The following RAB19 variants were observed in gnomAD, a reference collection of about 807,000 sequenced individuals.
RAB19 encodes RAB19, member RAS oncogene family, also known as ras-related protein Rab-19.
RAB19 carries 21 observed loss-of-function variants against 17.3 expected under a neutral mutation model. The observed-to-expected ratio is 1.21, with a 90% confidence interval of 0.86 to 1.74. The LOEUF is 1.74. RAB19 is among the 40% of genes most tolerant of loss of function. The pLI is 0.00. For missense variants in RAB19, 277 were observed against 286.8 expected, an observed-to-expected ratio of 0.97 and a Z score of 0.25; for synonymous variants, 126 against 110.4, an observed-to-expected ratio of 1.14 and a Z score of -0.88.
intron 1 of RAB19, among the ~76,000 whole-genome samples, chr7:140,406,441 A>T (rs1191388553): frequency 2.6e-5 from 4 of 151,760 alleles, no homozygotes; most frequent in Non-Finnish European, 2.9e-5. Context: ...GGCATTCGAG[A>T]CCAGCCTGAC....
chr7:140,409,992 CAAAA>C lies in RAB19; in HGVS notation c.202-1865_202-1862del, dbSNP rs760964553. 6.5e-3 allele frequency among the ~76,000 whole-genome samples: 610 copies of C among 94,170 alleles called. 3 individuals are homozygous for C. The highest frequency in any genetic ancestry group is 0.021 in the African/African-American group (523 of 24,714). 61.8% of individuals were successfully genotyped at this position (94,170 alleles called of 152,430 possible). A position where few individuals can be genotyped will look rare whatever the true frequency, so the allele number is the denominator to read the frequency against. On this transcript the variant is annotated intron_variant, in intron 2 of 3. Coordinates refer to ENST00000537763, the MANE Select transcript of RAB19 (RefSeq NM_001008749.3). ...TGGGCAACAGAGCGAGACTCCGTCTCAAAAAAAAAAAAAAAAAAAAGATAATAAA... is the reference window on the plus strand; with the variant it reads ...TGGGCAACAGAGCGAGACTCCGTCTCAAAAAAAAAAAAAAAAGATAATAAA...
At chr7:140,418,658 G>T (rs1042793860) in intron 3 of RAB19, among the ~76,000 whole-genome samples, 1 of 151,318 alleles carries the variant, frequency 6.6e-6, no homozygotes, top group Admixed American at 6.6e-5. Context: ...GGCAGAGGTC[G>T]GACCAGCCTG....
At chr7:140,406,651 GA>G (rs941891247) in intron 1 of RAB19, among the ~76,000 whole-genome samples, 51 of 137,154 alleles carry the variant, frequency 3.7e-4, no homozygotes, top group African/African-American at 1.0e-3. Flanking sequence ...AAAAAAAAAA[GA>G]AAAAAAAAAA....
intron 1 of RAB19, among the ~76,000 whole-genome samples, chr7:140,405,301 A>G (rs944872317): frequency 6.6e-6 from 1 of 151,954 alleles, no homozygotes; most frequent in Admixed American, 6.6e-5. Flanking sequence ...GCTCACTGCA[A>G]CCTCTGCCCT....
chr7:140,426,839 CTT>C lies in RAB19; in HGVS notation c.*708_*709del, dbSNP rs398067341. On this transcript the variant is annotated 3_prime_UTR_variant, in exon 4 of 4. Transcript: ENST00000537763. The stretch of plus-strand genomic sequence containing the variant: ...AAGACACCTGCAATTTTTTTTCTTT[CTT>C]TTTTTTTTTTTTTTTTTTGAGACAG... Among the ~76,000 whole-genome samples, 13 of 123,980 alleles carry C rather than the reference CTT, an allele frequency of 1.0e-4. No homozygotes were observed. The highest frequency in any genetic ancestry group is 1.5e-4 in the Non-Finnish European group (9 of 60,242). The allele number at this position is 123,980 out of a possible 152,430, so 81.3% of individuals were successfully genotyped here. A position where few individuals can be genotyped will look rare whatever the true frequency, so the allele number is the denominator to read the frequency against.
Position 140,407,631 on chromosome 7 carries a change from C to G in RAB19, c.-16C>G. Reference sequence around the variant, plus strand: ...TCCATCCTTTCTTCCTAGTTCTGTTCTAGGTGGCAAGAACCATGCACTTCT... The same window carrying G: ...TCCATCCTTTCTTCCTAGTTCTGTTGTAGGTGGCAAGAACCATGCACTTCT... On this transcript the variant is annotated 5_prime_UTR_variant, in exon 2 of 4. Coordinates refer to ENST00000537763, the MANE Select transcript of RAB19 (RefSeq NM_001008749.3). The G allele has an allele frequency of 1.2e-6, 2 of 1,613,478 alleles. No individual in the cohort carries two copies. The highest frequency in any genetic ancestry group is 1.7e-6 in the Non-Finnish European group (2 of 1,179,486).
chr7:140,409,230 G>A (rs979618853), intron 2 of RAB19, among the ~76,000 whole-genome samples: 10 of 151,942 alleles, frequency 6.6e-5, no homozygotes, highest in African/African-American at 2.4e-4. Context: ...CAGGCATGGT[G>A]GCGCGTGCCT....
At chr7:140,425,775 AATGC>A in intron 3 of RAB19, 103 bp from the exon 4 acceptor site, 1 of 1,175,100 alleles carries the variant, frequency 8.5e-7, no homozygotes, top group Non-Finnish European at 1.2e-6. Context: ...TTTGTGAATG[AATGC>A]ATGCATGCCT....
At chr7:140,424,783 G>GA (rs199960972) in intron 3 of RAB19, among the ~76,000 whole-genome samples, 1 of 151,278 alleles carries the variant, frequency 6.6e-6, no homozygotes, top group East Asian at 1.9e-4. Flanking sequence ...GGGAATTATG[G>GA]AAAAAAATAT....
intron 1 of RAB19, among the ~76,000 whole-genome samples, chr7:140,405,243 G>A (rs1799215027): frequency 2.0e-5 from 3 of 148,622 alleles, no homozygotes; most frequent in Admixed American, 1.3e-4. Flanking sequence ...TTTTTGAAAC[G>A]GAGTTTCGCT....
intron 2 of RAB19, among the ~76,000 whole-genome samples, 193 bp downstream of exon 2, chr7:140,408,040 G>A (rs1799281916): frequency 8.6e-6 from 1 of 116,016 alleles, no homozygotes; most frequent in South Asian, 3.2e-4. Context: ...ACCACGCCCG[G>A]CAAATTTTTT....
chr7:140,411,960 C>A lies in RAB19; in HGVS notation c.288C>A (p.Ala96=). Residue 96 remains alanine (A), a synonymous_variant, in exon 3 of 4, where the codon GCC becomes GCA. Transcript: ENST00000537763. ...GCAGTGCCCACGCAGCCATCATCGC[C>A]TATGACCTCACCCGGCGGTCCACGT... ...YYRSAHAAII[A]YDLTRRSTFE... is the part of the protein sequence containing the mutation. The A allele has an allele frequency of 1.2e-6, 2 of 1,614,202 alleles. No homozygotes were observed. Among genetic ancestry groups the A allele is most frequent in the Non-Finnish European group, 8.5e-7 (1 of 1,180,052 alleles).
chr7:140,405,190 CAG>C lies in RAB19; in HGVS notation c.-24+976_-24+977del, dbSNP rs1187099837. On this transcript the variant is annotated intron_variant, in intron 1 of 3. Coordinates refer to ENST00000537763, the MANE Select transcript of RAB19 (RefSeq NM_001008749.3). The stretch of plus-strand genomic sequence containing the variant: ...GGGAGGGGAGGGGAGGGAAGAGAGA[CAG>C]AGGTTTTTGGTTTTGTGTTTTTGTT... Among the ~76,000 whole-genome samples, 8 of 148,054 alleles carry C rather than the reference CAG, an allele frequency of 5.4e-5. No homozygotes were observed. The East Asian group carries it at 1.2e-3, about 23-fold the overall frequency.
At chr7:140,417,198 T>C (rs1799474858) in intron 3 of RAB19, among the ~76,000 whole-genome samples, 1 of 145,404 alleles carries the variant, frequency 6.9e-6, no homozygotes, top group Non-Finnish European at 1.5e-5. Context: ...ATCGCACCAC[T>C]GCACTCCAGC....
Position 140,407,797 on chromosome 7 carries a change from G to T in RAB19, c.151G>T (p.Gly51Ter). 6.2e-7 allele frequency: 1 copy of T among 1,613,564 alleles called. No homozygotes were observed. Among genetic ancestry groups the T allele is most frequent in the East Asian group, 2.2e-5 (1 of 44,842 alleles). The change falls in exon 2 of 4, where the codon GGA (glycine) becomes TGA (stop). Residue 51 changes from glycine to a stop codon, truncating the protein, a stop_gained. Transcript: ENST00000537763. LOFTEE classifies it high-confidence loss of function. ...CACTGAGACACAGCAGAACACGATT[G>T]GAGTGGACTTTACCGTGCGTTCCCT... ...VYTETQQNTI[G>*]VDFTVRSLDI...
intron 3 of RAB19, among the ~76,000 whole-genome samples, chr7:140,423,851 C>G (rs1476614177): frequency 1.3e-5 from 2 of 151,786 alleles, no homozygotes; most frequent in African/African-American, 4.8e-5. Flanking sequence ...TGACAAGAAA[C>G]TTTTTTTTCC....
intron 2 of RAB19, among the ~76,000 whole-genome samples, chr7:140,409,690 T>C (rs1447603018): frequency 6.6e-6 from 1 of 151,456 alleles, no homozygotes; most frequent in Middle Eastern, 3.2e-3. Context: ...AGAGCAAGAC[T>C]CTGTCTCAAA....
At chr7:140,412,463 A>G (rs797004609) in intron 3 of RAB19, among the ~76,000 whole-genome samples, 2 of 152,008 alleles carry the variant, frequency 1.3e-5, no homozygotes, top group African/African-American at 4.8e-5. Context: ...GGGAAAAAAA[A>G]TGTGTAAGTG....
At position 140,427,676 on chromosome 7, in the gene RAB19, T is replaced by A. The variant is rs940200953; in HGVS notation, c.*1526T>A. On this transcript the variant is annotated 3_prime_UTR_variant, in exon 4 of 4. Coordinates refer to ENST00000537763, the MANE Select transcript of RAB19 (RefSeq NM_001008749.3). Reference sequence around the variant, plus strand: ...CACGTTGGCCAGGCTGGTCTCGAACTCCTGACCTCATGATCCACCTGTCTC... The same window carrying A: ...CACGTTGGCCAGGCTGGTCTCGAACACCTGACCTCATGATCCACCTGTCTC... 1.3e-5 allele frequency among the ~76,000 whole-genome samples: 2 copies of A among 152,024 alleles called. No individual in the cohort carries two copies. The highest frequency in any genetic ancestry group is 1.3e-4 in the Admixed American group (2 of 15,246).
Sources: gnomAD v4.1 joint callset for allele counts (sites outside exome capture counted in the v4.1 genomes callset) on GRCh38, gnomAD v4.1.1 for gene constraint, MANE v1.5 for transcripts, NCBI Gene and HGNC (gene_info 2026-07-23, HGNC 2026-07-21) for gene names.